Variants in CFDP1 observed in about 807,000 individuals in gnomAD.
CFDP1 encodes chromatin remodeling protein CFDP1, also known as heterochromatin-stabilizing protein CFDP1.
CFDP1 carries 31 observed loss-of-function variants against 40.1 expected under a neutral mutation model. The ratio of observed to expected loss-of-function variants is 0.77; its 90% CI spans 0.58 to 1.04. CFDP1 has a LOEUF of 1.04. Among genes scored for constraint, CFDP1 ranks in the 50% least tolerant of loss-of-function variants. The probability of loss-of-function intolerance (pLI) is 0.00; values close to 1 mark genes in which losing one functional copy is unlikely to be tolerated. For synonymous variants in CFDP1, 167 were observed against 120.0 expected (o/e 1.39, Z -2.56); for missense variants, 423 against 343.4 (o/e 1.23, Z -1.83).
chr16:75,323,572 G>T (rs188213488), intron 5 of CFDP1, among the ~76,000 whole-genome samples: 1 of 152,178 alleles, frequency 6.6e-6, no homozygotes, highest in African/African-American at 2.4e-5. Context: ...CCTGAGGCCA[G>T]GAGTTCAAGA....
rs2079125266 is a variant in CFDP1 at position 75,408,527 on chromosome 16, G to T, written c.530+3298C>A. Reference sequence around the variant, plus strand: ...AGGTGCAGTGGCTCACACTGTAATTGCAGCACTTTGGGAGGCTGAGGAGGG... The same window carrying T: ...AGGTGCAGTGGCTCACACTGTAATTTCAGCACTTTGGGAGGCTGAGGAGGG... On this transcript the variant is annotated intron_variant, in intron 4 of 6. Transcript: ENST00000283882. Among the ~76,000 whole-genome samples the T allele has an allele frequency of 3.9e-5, 6 of 151,964 alleles. 1 individual carries two copies. In the South Asian group the frequency reaches 1.2e-3, roughly 32 times the overall value.
rs1189328964 is a variant in CFDP1, at chr16:75,412,677, C to G, written c.260G>C (p.Ser87Thr). The change falls in exon 3 of 7, where the codon AGT (serine) becomes ACT (threonine). Residue 87 changes from serine to threonine, a missense_variant. Physicochemically the swap from Ser to Thr is moderately conservative, Grantham distance 58. Coordinates refer to ENST00000283882, the MANE Select transcript of CFDP1 (RefSeq NM_006324.3). ...DANSESEGSS[S>T]EEEDDAAEQE... ...CTCTGCAGCGTCATCTTCCTCCTCACTACTGCTTCCCTCAGATTCTGAATT... is the reference window on the plus strand; with the variant it reads ...CTCTGCAGCGTCATCTTCCTCCTCAGTACTGCTTCCCTCAGATTCTGAATT... 1 of 1,614,044 alleles carries G rather than the reference C, an allele frequency of 6.2e-7. No homozygotes were observed. The highest frequency in any genetic ancestry group is 8.5e-7 in the Non-Finnish European group (1 of 1,180,038).
intron 5 of CFDP1, among the ~76,000 whole-genome samples, chr16:75,313,193 T>C (rs7198890): frequency 0.01 from 1,578 of 152,300 alleles, 31 homozygotes; most frequent in African/African-American, 0.033. Context: ...TTGATAAGTG[T>C]TAGGAAAGTG....
chr16:75,433,185 T>C (rs922290467), intron 1 of CFDP1, 104 bp downstream of exon 1: 696 of 1,072,656 alleles, frequency 6.5e-4, no homozygotes, highest in Admixed American at 8.5e-4. Context: ...GGAGCCCCCC[T>C]GGACCACCTG....
chr16:75,425,952 C>A (rs1199679932), intron 1 of CFDP1, among the ~76,000 whole-genome samples: 1 of 142,674 alleles, frequency 7.0e-6, no homozygotes, highest in Admixed American at 7.5e-5. Context: ...AGGAGAATCG[C>A]TTGAACCTGG....
intron 6 of CFDP1, among the ~76,000 whole-genome samples, chr16:75,299,347 G>A (rs1046147995): frequency 6.6e-6 from 1 of 152,014 alleles, no homozygotes; most frequent in African/African-American, 2.4e-5. Flanking sequence ...CAGCACTTTG[G>A]GAGGCTGAGG....
intron 5 of CFDP1, among the ~76,000 whole-genome samples, chr16:75,336,199 G>A (rs1283627463): frequency 6.6e-6 from 1 of 152,200 alleles, no homozygotes; most frequent in Admixed American, 6.5e-5. Flanking sequence ...TGTTCTAGGA[G>A]GTGGAAATAG....
intron 5 of CFDP1, among the ~76,000 whole-genome samples, chr16:75,362,232 C>G (rs1243420601): frequency 2.6e-5 from 4 of 152,190 alleles, no homozygotes; most frequent in Non-Finnish European, 5.9e-5. Flanking sequence ...AAAATCAAGT[C>G]TCCATACAGA....
chr16:75,385,734 T>C (rs1335152585), intron 5 of CFDP1, among the ~76,000 whole-genome samples: 2 of 123,454 alleles, frequency 1.6e-5, no homozygotes, highest in Non-Finnish European at 3.8e-5. Context: ...CCCTCTAGTG[T>C]ACAGTAAAAG....
intron 5 of CFDP1, among the ~76,000 whole-genome samples, chr16:75,355,369 A>T (rs1441862973): frequency 6.6e-6 from 1 of 152,226 alleles, no homozygotes; most frequent in African/African-American, 2.4e-5. Context: ...AATTGAAGTC[A>T]ATCCTCTCAA....
intron 5 of CFDP1, among the ~76,000 whole-genome samples, chr16:75,377,925 G>A (rs1297147482): frequency 6.6e-6 from 1 of 152,220 alleles, no homozygotes; most frequent in Admixed American, 6.5e-5. Context: ...TTCGCTAGCA[G>A]TCACCAGCCA....
At chr16:75,318,755 T>A (rs2078343230) in intron 5 of CFDP1, among the ~76,000 whole-genome samples, 1 of 152,158 alleles carries the variant, frequency 6.6e-6, no homozygotes, top group Non-Finnish European at 1.5e-5. Context: ...CAGCTTTCTT[T>A]TTTCTCCCAG....
At position 75,374,319 on chromosome 16, in the gene CFDP1, G is replaced by A. The variant is rs146596055; in HGVS notation, c.650+20771C>T. Among the ~76,000 whole-genome samples the A allele has an allele frequency of 5.2e-3, 784 of 152,082 alleles. 7 individuals carry two copies. The highest frequency in any genetic ancestry group is 0.018 in the African/African-American group (738 of 41,488). Reference sequence around the variant, plus strand: ...TTAACAAGAATCAGATAAATGTATAGGCAATAAGATGAAATATGTTAGTAT... The same window carrying A: ...TTAACAAGAATCAGATAAATGTATAAGCAATAAGATGAAATATGTTAGTAT... On this transcript the variant is annotated intron_variant, in intron 5 of 6. Coordinates refer to ENST00000283882, the MANE Select transcript of CFDP1 (RefSeq NM_006324.3).
Position 75,359,620 on chromosome 16 carries a change from C to G in CFDP1, c.650+35470G>C, listed in dbSNP as rs138277016. ...CCTGAGACTCCAATGCAGTCATGAC[C>G]TGTATGCAATTGCCCTAACCATGAT... On this transcript the variant is annotated intron_variant, in intron 5 of 6. Coordinates refer to ENST00000283882, the MANE Select transcript of CFDP1 (RefSeq NM_006324.3). Among the ~76,000 whole-genome samples the G allele has an allele frequency of 3.5e-3, 535 of 152,276 alleles. 4 individuals are homozygous for G. The highest frequency in any genetic ancestry group is 3.6e-3 in the Non-Finnish European group (245 of 68,012).
intron 1 of CFDP1, among the ~76,000 whole-genome samples, chr16:75,429,032 G>T (rs1209402643): frequency 6.6e-6 from 1 of 151,408 alleles, no homozygotes; most frequent in Admixed American, 6.6e-5. Flanking sequence ...TGGGAGAGTT[G>T]CTTAAACCCG....
At chr16:75,323,352 C>T (rs1165363188) in intron 5 of CFDP1, among the ~76,000 whole-genome samples, 1 of 151,864 alleles carries the variant, frequency 6.6e-6, no homozygotes, top group African/African-American at 2.4e-5. Context: ...AGCAACGTGT[C>T]TGGAGCTGCC....
intron 5 of CFDP1, among the ~76,000 whole-genome samples, chr16:75,392,704 GC>G (rs1346850216): frequency 6.6e-6 from 1 of 152,170 alleles, no homozygotes; most frequent in Non-Finnish European, 1.5e-5. Flanking sequence ...CACCATGTTG[GC>G]CAGGCTGGAA....
intron 5 of CFDP1, among the ~76,000 whole-genome samples, chr16:75,339,574 T>A (rs2078512673): frequency 6.6e-6 from 1 of 152,172 alleles, no homozygotes; most frequent in African/African-American, 2.4e-5. Flanking sequence ...CCACTGCCAA[T>A]CTCCATCGGT....
Position 75,395,133 on chromosome 16 carries a change from CCTGTGGTTTTT to C in CFDP1, c.596_606del (p.Glu199GlyfsTer2). On this transcript the variant is annotated frameshift_variant, in exon 5 of 7. Coordinates refer to ENST00000283882, the MANE Select transcript of CFDP1 (RefSeq NM_006324.3). LOFTEE classifies it high-confidence loss of function. ...GATGGCAGAGCTGAAGGAACATTAG[CCTGTGGTTTTT>C]CTTTCTCATTCTGCTTGAAGAAGGA... 1 of 1,613,932 alleles carries C rather than the reference CCTGTGGTTTTT, an allele frequency of 6.2e-7. No individual in the cohort carries two copies. Among genetic ancestry groups the C allele is most frequent in the Non-Finnish European group, 8.5e-7 (1 of 1,179,918 alleles).
Sources: allele counts gnomAD v4.1 joint callset (sites outside exome capture counted in the v4.1 genomes callset), GRCh38; gene constraint gnomAD v4.1.1; transcripts MANE v1.5; gene names NCBI Gene and HGNC (gene_info 2026-07-23, HGNC 2026-07-21).